DNASE1: variants seen among roughly 807,000 people sequenced by gnomAD.
DNASE1 encodes deoxyribonuclease-1.
In DNASE1, 40 loss-of-function variants were observed where a neutral mutation model predicts 33.9. The ratio of observed to expected loss-of-function variants is 1.18; its 90% confidence interval spans 0.92 to 1.54. The LOEUF (loss-of-function observed/expected upper bound fraction) is 1.54. DNASE1 is among the 40% of genes most tolerant of loss of function. The pLI is 0.00. For missense variants in DNASE1, 518 were observed against 372.6 expected (o/e 1.39, Z -3.21); for synonymous variants, 216 against 160.0 (o/e 1.35, Z -2.64).
At chr16:3,664,255 C>CCACCCACCGCT in exon 10 of DNASE1, 1 of 1,551,136 alleles carries the variant, frequency 6.4e-7, no homozygotes, top group Non-Finnish European at 8.7e-7. Context: ...GGAGCCCGCC[C>CCACCCACCGCT]CACCCACCGC....
chr16:3,628,346 G>C (rs1209772313), intron 1 of DNASE1, among the ~76,000 whole-genome samples: 1 of 151,890 alleles, frequency 6.6e-6, no homozygotes, highest in Non-Finnish European at 1.5e-5. Context: ...TAATGTTTAG[G>C]CCTAGTTTTT....
At position 3,617,583 on chromosome 16, in the gene DNASE1, C is replaced by A. The variant is rs145229998; in HGVS notation, c.-1359+5577C>A. 8.5e-5 allele frequency among the ~76,000 whole-genome samples: 13 copies of A among 152,128 alleles called. No homozygotes were observed. In the South Asian group the frequency reaches 1.5e-3, roughly 17 times the overall value. On this transcript the variant is annotated intron_variant and NMD_transcript_variant, in intron 1 of 11. Transcript: ENST00000570769. The stretch of plus-strand genomic sequence containing the variant: ...TGCTGCTGTCTAAATGTTTATGTCT[C>A]CCCCCACCCAATTCATATGTGAAGG...
At chr16:3,651,615 C>T (rs2042339093), upstream of DNASE1, 1 of 152,348 alleles carries the variant, frequency 6.6e-6, no homozygotes, top group Non-Finnish European at 1.5e-5. Flanking sequence ...GCCAGCTCCG[C>T]CTTGGCCTTA....
chr16:3,619,608 A>G (rs970853083), intron 1 of DNASE1, among the ~76,000 whole-genome samples: 6 of 151,562 alleles, frequency 4.0e-5, no homozygotes, highest in Non-Finnish European at 7.4e-5. Context: ...TGATCTGCCC[A>G]CCTCGGCCTC....
intron 1 of DNASE1, among the ~76,000 whole-genome samples, chr16:3,617,326 CAAAAAAAAAAAAAAAAA>C (rs56670885): frequency 1.7e-5 from 1 of 57,720 alleles, no homozygotes; most frequent in African/African-American, 7.7e-5. Flanking sequence ...AACTCCATCT[CAAAAAAAAAAAAAAAAA>C]AAAAAAAAAA....
chr16:3,627,137 C>G (rs916745262), intron 1 of DNASE1, among the ~76,000 whole-genome samples: 2 of 151,758 alleles, frequency 1.3e-5, no homozygotes, highest in African/African-American at 4.8e-5. Context: ...TGGCCAAGTG[C>G]TGAGACTACA....
chr16:3,623,804 A>G lies in DNASE1; in HGVS notation c.-1359+11798A>G, dbSNP rs142958977. Among the ~76,000 whole-genome samples, 248 of 152,302 alleles carry G rather than the reference A, an allele frequency of 1.6e-3. 5 individuals carry two copies. In the Middle Eastern group the frequency reaches 0.02, roughly 13 times the overall value. ...CATACAAGCGGCAAAGAAACATGAA[A>G]AAGTGCTCACATCAGTAATCATCAG... On this transcript the variant is annotated intron_variant and NMD_transcript_variant, in intron 1 of 11. Transcript: ENST00000570769.
At chr16:3,653,820 A>AC (rs1457730004), upstream of DNASE1, 7 of 141,872 alleles carry the variant, frequency 4.9e-5, no homozygotes, top group African/African-American at 1.9e-4. Flanking sequence ...AAAAAAAAAA[A>AC]AAAAAAAAAA....
At chr16:3,663,334 G>T in exon 10 of DNASE1, 2 of 1,554,200 alleles carry the variant, frequency 1.3e-6, no homozygotes. Context: ...GTCAACTGAC[G>T]AAAACCCAAA....
Position 3,621,162 on chromosome 16 carries a change from CATAG to C in DNASE1, c.-1359+9158_-1359+9161del, listed in dbSNP as rs201102887. ...CCATGCTAGAATGCAGTGGCACGAG[CATAG>C]ACTCGAACTCTTGGGCTCAGACAAT... On this transcript the variant is annotated intron_variant and NMD_transcript_variant, in intron 1 of 11. Transcript: ENST00000570769. 5.4e-4 allele frequency among the ~76,000 whole-genome samples: 82 copies of C among 152,128 alleles called. No individual in the cohort carries two copies. In the East Asian group the frequency reaches 0.014, roughly 27 times the overall value.
intron 1 of DNASE1, among the ~76,000 whole-genome samples, chr16:3,616,822 G>C (rs2041120143): frequency 6.6e-6 from 1 of 152,154 alleles, no homozygotes; most frequent in Admixed American, 6.6e-5. Flanking sequence ...GAAGAGAATT[G>C]AGAGTCTAGA....
downstream of DNASE1, chr16:3,658,314 G>A: frequency 8.7e-7 from 1 of 1,144,502 alleles, no homozygotes; most frequent in Non-Finnish European, 1.3e-6. Flanking sequence ...TCTCACTGTT[G>A]CCGAGGCTGG....
At chr16:3,660,629 G>C (rs1275655849), downstream of DNASE1, 1 of 152,246 alleles carries the variant, frequency 6.6e-6, no homozygotes, top group African/African-American at 2.4e-5. Context: ...GCTGTGCACT[G>C]ACAGCCATAA....
chr16:3,633,698 C>T (rs1356991539), intron 1 of DNASE1, among the ~76,000 whole-genome samples: 1 of 152,072 alleles, frequency 6.6e-6, no homozygotes, highest in African/African-American at 2.4e-5. Flanking sequence ...GATGCTATAC[C>T]ACTTCATGGG....
At chr16:3,615,489 G>A (rs553189542) in intron 1 of DNASE1, among the ~76,000 whole-genome samples, 2 of 152,280 alleles carry the variant, frequency 1.3e-5, no homozygotes, top group African/African-American at 2.4e-5. Flanking sequence ...TTACTAGATG[G>A]ATGTTATTTC....
intron 1 of DNASE1, among the ~76,000 whole-genome samples, chr16:3,636,123 T>A (rs1479851057): frequency 6.6e-6 from 1 of 152,234 alleles, no homozygotes; most frequent in Non-Finnish European, 1.5e-5. Flanking sequence ...TCCATCTTGT[T>A]CATTCTTTTC....
At chr16:3,644,312 C>G (rs2042106927) in intron 1 of DNASE1, among the ~76,000 whole-genome samples, 1 of 152,062 alleles carries the variant, frequency 6.6e-6, no homozygotes, top group African/African-American at 2.4e-5. Context: ...CCTGTAATCG[C>G]AGCACCTTGG....
chr16:3,658,455 C>A (rs542357934), downstream of DNASE1: 5 of 584,544 alleles, frequency 8.6e-6, no homozygotes, highest in Non-Finnish European at 1.5e-5. Flanking sequence ...TGGCTGGGCA[C>A]GGTGGCTCAC....
upstream of DNASE1, among the ~76,000 whole-genome samples, chr16:3,649,821 G>T (rs3751841): frequency 0.23 from 34,757 of 151,762 alleles, 4,362 homozygotes; most frequent in East Asian, 0.34. Flanking sequence ...AGGGCGAGGA[G>T]CTTCTTAAGT....
Sources: allele counts gnomAD v4.1 joint callset (sites outside exome capture counted in the v4.1 genomes callset), GRCh38; gene constraint gnomAD v4.1.1; transcripts MANE v1.5; gene names NCBI Gene and HGNC (gene_info 2026-07-23, HGNC 2026-07-21).